CDKAL1: variants seen among roughly 807,000 people sequenced by gnomAD.
CDKAL1 encodes the protein threonylcarbamoyladenosine tRNA methylthiotransferase.
CDKAL1 carries 32 observed loss-of-function variants against 68.2 expected under a neutral mutation model. That is an observed-to-expected ratio of 0.47 (90% confidence interval 0.35 to 0.63). The LOEUF is 0.63. Ranked by LOEUF, CDKAL1 falls within the 30% of genes least tolerant of loss-of-function variation. The pLI is 0.00. For missense variants in CDKAL1, 606 were observed against 696.7 expected, an observed-to-expected ratio of 0.87 and a Z score of 1.47; for synonymous variants, 234 against 244.3, an observed-to-expected ratio of 0.96 and a Z score of 0.39.
chr6:20,720,899 A>G (rs1315603025), intron 5 of CDKAL1, among the ~76,000 whole-genome samples: 2 of 152,194 alleles, frequency 1.3e-5, no homozygotes, highest in Non-Finnish European at 2.9e-5. Context: ...ACTTGAGATA[A>G]TGACCTCCAG....
intron 10 of CDKAL1, among the ~76,000 whole-genome samples, chr6:20,961,984 C>T (rs1194773274): frequency 6.6e-6 from 1 of 152,174 alleles, no homozygotes; most frequent in Non-Finnish European, 1.5e-5. Flanking sequence ...AGTAACTTAT[C>T]TCCCTTTAAG....
At chr6:20,970,439 A>G (rs958845386) in intron 10 of CDKAL1, among the ~76,000 whole-genome samples, 5 of 152,104 alleles carry the variant, frequency 3.3e-5, no homozygotes, top group Non-Finnish European at 7.4e-5. Context: ...CAGTGTTCTC[A>G]TTGTTTTTAT....
intron 9 of CDKAL1, among the ~76,000 whole-genome samples, chr6:20,865,924 C>T (rs1382711020): frequency 2.0e-5 from 3 of 152,132 alleles, no homozygotes; most frequent in African/African-American, 7.2e-5. Flanking sequence ...AAACTATTTG[C>T]AAACCAATTC....
intron 8 of CDKAL1, among the ~76,000 whole-genome samples, chr6:20,782,262 C>CGA (rs1374818615): frequency 2.7e-4 from 41 of 152,294 alleles, no homozygotes; most frequent in African/African-American, 9.6e-4. Flanking sequence ...CAAAAAACCC[C>CGA]ATGGAGTGGC....
intron 10 of CDKAL1, among the ~76,000 whole-genome samples, chr6:20,964,006 A>G (rs1765178079): frequency 6.6e-6 from 1 of 152,214 alleles, no homozygotes; most frequent in South Asian, 2.1e-4. Flanking sequence ...AAACATGAAC[A>G]GAAACTTTTC....
chr6:20,941,940 C>T (rs189202810), intron 9 of CDKAL1, among the ~76,000 whole-genome samples: 3 of 152,156 alleles, frequency 2.0e-5, no homozygotes, highest in East Asian at 3.8e-4. Flanking sequence ...TTTTCCCCTT[C>T]GGCAAGAGGA....
chr6:20,888,657 GATGA>G (rs1761218530), intron 9 of CDKAL1, among the ~76,000 whole-genome samples: 2 of 150,454 alleles, frequency 1.3e-5, no homozygotes, highest in African/African-American at 4.9e-5. Context: ...TGCTGAGAAT[GATGA>G]TTTCCAGTTT....
intron 7 of CDKAL1, among the ~76,000 whole-genome samples, chr6:20,767,211 A>G (rs1774740426): frequency 6.6e-6 from 1 of 152,160 alleles, no homozygotes; most frequent in Non-Finnish European, 1.5e-5. Context: ...CTGTAAAGTT[A>G]GAGAAAAAAA....
chr6:20,936,790 A>G (rs1470110900), intron 9 of CDKAL1, among the ~76,000 whole-genome samples: 1 of 152,230 alleles, frequency 6.6e-6, no homozygotes, highest in Non-Finnish European at 1.5e-5. Context: ...TAGAAGCACC[A>G]TAACAGTAGC....
intron 4 of CDKAL1, among the ~76,000 whole-genome samples, chr6:20,591,587 T>C (rs1199371066): frequency 6.6e-6 from 1 of 152,210 alleles, no homozygotes; most frequent in Non-Finnish European, 1.5e-5. Flanking sequence ...GTTTTTTGCA[T>C]ATGGCTAACT....
intron 15 of CDKAL1, among the ~76,000 whole-genome samples, chr6:21,206,459 T>A (rs950480523): frequency 6.6e-6 from 1 of 152,234 alleles, no homozygotes; most frequent in African/African-American, 2.4e-5. Flanking sequence ...TGGCCTATGT[T>A]ATAACACATC....
At chr6:20,597,489 A>C (rs1765884099) in intron 4 of CDKAL1, among the ~76,000 whole-genome samples, 1 of 152,008 alleles carries the variant, frequency 6.6e-6, no homozygotes, top group Admixed American at 6.6e-5. Flanking sequence ...ATATTGGCTC[A>C]CTGCAACCTC....
chr6:20,660,270 G>A (rs1442537321), intron 5 of CDKAL1, among the ~76,000 whole-genome samples: 1 of 152,044 alleles, frequency 6.6e-6, no homozygotes, highest in Non-Finnish European at 1.5e-5. Flanking sequence ...TGAGTTTTGA[G>A]GTTAGGATAC....
At chr6:20,853,412 A>AC (rs1345270542) in intron 9 of CDKAL1, among the ~76,000 whole-genome samples, 1 of 147,288 alleles carries the variant, frequency 6.8e-6, no homozygotes, top group African/African-American at 2.5e-5. Context: ...CAAAAAAAAA[A>AC]ACCCTATATG....
chr6:20,975,402 G>A (rs1765795478), intron 10 of CDKAL1, among the ~76,000 whole-genome samples: 2 of 152,094 alleles, frequency 1.3e-5, no homozygotes, highest in Admixed American at 1.3e-4. Flanking sequence ...TCTGTGATAT[G>A]CCCTGATACA....
intron 12 of CDKAL1, among the ~76,000 whole-genome samples, chr6:21,068,496 T>G (rs1475835590): frequency 1.3e-5 from 2 of 152,156 alleles, no homozygotes; most frequent in Non-Finnish European, 2.9e-5. Context: ...ATATCATTCT[T>G]GTCTCACTCG....
intron 15 of CDKAL1, among the ~76,000 whole-genome samples, chr6:21,218,069 T>C (rs1779406753): frequency 6.6e-6 from 1 of 152,258 alleles, no homozygotes; most frequent in South Asian, 2.1e-4. Context: ...AAGTATGTCC[T>C]CCCTACCTTG....
intron 9 of CDKAL1, among the ~76,000 whole-genome samples, chr6:20,900,248 GC>G (rs1222336179): frequency 1.3e-5 from 2 of 152,102 alleles, no homozygotes; most frequent in African/African-American, 4.8e-5. Flanking sequence ...AAAAAAGGGG[GC>G]AAAAAACATA....
At chr6:20,747,272 G>A (rs112193968) in intron 6 of CDKAL1, among the ~76,000 whole-genome samples, 7 of 152,268 alleles carry the variant, frequency 4.6e-5, no homozygotes, top group South Asian at 2.1e-4. Flanking sequence ...TTCACATCTT[G>A]GTTATTGTGT....
Sources: gnomAD v4.1 joint callset for allele counts (sites outside exome capture counted in the v4.1 genomes callset) on GRCh38, gnomAD v4.1.1 for gene constraint, MANE v1.5 for transcripts, NCBI Gene and HGNC (gene_info 2026-07-23, HGNC 2026-07-21) for gene names.